CD8A: variants seen among roughly 807,000 people sequenced by gnomAD.
The protein encoded by CD8A is CD8 subunit alpha.
A neutral mutation model predicts 24.2 loss-of-function variants in CD8A; 25 were observed. The observed-to-expected ratio is 1.03, with a 90% CI of 0.75 to 1.44. CD8A has a LOEUF of 1.44. Among genes scored for constraint, CD8A ranks in the 40% most tolerant of loss-of-function variants. The pLI, the probability that CD8A is intolerant of heterozygous loss-of-function variation, is 0.00. For synonymous variants in CD8A, 165 were observed against 149.9 expected (o/e 1.10, Z -0.74); for missense variants, 360 against 319.7 (o/e 1.13, Z -0.96).
intron 3 of CD8A, among the ~76,000 whole-genome samples, chr2:86,796,309 G>T (rs770787287): frequency 1.3e-5 from 2 of 152,260 alleles, no homozygotes; most frequent in Admixed American, 6.5e-5. Flanking sequence ...AAGAAAGCAT[G>T]GCTGAAAATT....
At chr2:86,795,112 G>C (rs1368420350), upstream of CD8A, among the ~76,000 whole-genome samples, 9 of 152,164 alleles carry the variant, frequency 5.9e-5, no homozygotes, top group Non-Finnish European at 1.0e-4. Context: ...TTGTTTGCCT[G>C]TCCAGCTTGA....
rs763548941 is a variant in CD8A, at chr2:86,790,464, G to A, written c.267C>T (p.Phe89=). 1 of 1,614,054 alleles carries A rather than the reference G, an allele frequency of 6.2e-7. No homozygotes were observed. The highest frequency in any genetic ancestry group is 1.3e-5 in the African/African-American group (1 of 74,944). Residue 89 remains phenylalanine (F), a synonymous_variant, in exon 2 of 6, where the codon TTC becomes TTT. Coordinates refer to ENST00000283635, the MANE Select transcript of CD8A (RefSeq NM_001768.7). ...AGGTGTCCCCCAACCTCTTGCCCGA[G>A]AACCGCTGGGTGTCCAGCCCCTCGG... ...KAAEGLDTQR[F]SGKRLGDTFV...
intron 5 of CD8A, among the ~76,000 whole-genome samples, chr2:86,787,183 A>G (rs1197432544): frequency 6.7e-6 from 1 of 148,432 alleles, no homozygotes; most frequent in Admixed American, 6.7e-5. Context: ...CCCACGTTCA[A>G]GCGATTCTCC....
rs1196864495 is a variant in CD8A, at chr2:86,789,366, C to T, written c.582G>A (p.Gly194=). 1.9e-6 allele frequency: 3 copies of T among 1,613,874 alleles called. No homozygotes were observed. Among genetic ancestry groups the T allele is most frequent in the African/African-American group, 2.7e-5 (2 of 75,050 alleles). ...TGATAACCAGTGACAGGAGAAGGAC[C>T]CCACAAGTCCCGGCCAAGGGCGCCC... ...YIWAPLAGTC[G]VLLLSLVITL... The change falls in exon 4 of 6, where the codon GGG becomes GGA. Residue 194 remains glycine, a synonymous_variant. Coordinates refer to ENST00000283635, the MANE Select transcript of CD8A (RefSeq NM_001768.7).
intron 5 of CD8A, among the ~76,000 whole-genome samples, chr2:86,787,783 A>C (rs754967393): frequency 1.3e-5 from 2 of 152,120 alleles, no homozygotes; most frequent in Non-Finnish European, 2.9e-5. Context: ...AGAGATGGGG[A>C]GTATTACCCC....
At chr2:86,793,464 C>CA (rs1452258625), upstream of CD8A, among the ~76,000 whole-genome samples, 1 of 152,138 alleles carries the variant, frequency 6.6e-6, no homozygotes, top group Non-Finnish European at 1.5e-5. Context: ...GCTGTGTAGA[C>CA]ACAGTGCTGT....
upstream of CD8A, chr2:86,791,112 G>C (rs779805078): frequency 1.5e-6 from 1 of 683,312 alleles, no homozygotes; most frequent in East Asian, 2.8e-5. Context: ...GTTTGGGGAT[G>C]AGGAAAAGGG....
intron 2 of CD8A, among the ~76,000 whole-genome samples, chr2:86,807,195 G>A (rs1364688691): frequency 6.6e-6 from 1 of 152,074 alleles, no homozygotes; most frequent in African/African-American, 2.4e-5. Context: ...GCTGGCGCGG[G>A]TCCATGGTCC....
chr2:86,792,184 GAA>G (rs1240798775), upstream of CD8A, among the ~76,000 whole-genome samples: 1 of 152,080 alleles, frequency 6.6e-6, no homozygotes, highest in Non-Finnish European at 1.5e-5. Context: ...TTGCTGTCCT[GAA>G]ACCTTCCAGC....
In CD8A at chr2:86,785,201, TAGAG is replaced by T. The variant is rs542695887; in HGVS notation, c.*715_*718del. The stretch of plus-strand genomic sequence containing the variant: ...GTTTCACAGAGATTTTCTTTAGAGA[TAGAG>T]GGATTCATTTTCCAGGGTTAAGCTC... On this transcript the variant is annotated 3_prime_UTR_variant, in exon 6 of 6. Coordinates refer to ENST00000283635, the MANE Select transcript of CD8A (RefSeq NM_001768.7). 44 of 454,024 alleles carry T rather than the reference TAGAG, an allele frequency of 9.7e-5. No individual in the cohort carries two copies. The Middle Eastern group carries it at 2.8e-3, about 29-fold the overall frequency. 28.1% of individuals were successfully genotyped at this position (454,024 alleles called of 1,614,324 possible). A position where few individuals can be genotyped will look rare whatever the true frequency, so the allele number is the denominator to read the frequency against.
At chr2:86,808,140 C>T (rs1182297345) in exon 1 of CD8A, 1 of 152,408 alleles carries the variant, frequency 6.6e-6, no homozygotes, top group East Asian at 1.9e-4. Flanking sequence ...CAGCAAGCGC[C>T]TGAGCGGAGA....
chr2:86,790,302 G>A, intron 2 of CD8A, 26 bp downstream of exon 2: 1 of 1,528,316 alleles, frequency 6.5e-7, no homozygotes, highest in Non-Finnish European at 9.1e-7. Flanking sequence ...CCCACGCGGA[G>A]AGGTGCCGCA....
Position 86,784,975 on chromosome 2 carries a change from C to T in CD8A, c.*945G>A. On this transcript the variant is annotated 3_prime_UTR_variant, in exon 6 of 6. Coordinates refer to ENST00000283635, the MANE Select transcript of CD8A (RefSeq NM_001768.7). ...AGAGGCCAGGGCTGTGTGAGGGGCT[C>T]TCCAACAATTGTCTTTACAAAGTAT... is the stretch of plus-strand genomic sequence containing the variant. 2.2e-6 allele frequency: 1 copy of T among 454,088 alleles called. No homozygotes were observed. Among genetic ancestry groups the T allele is most frequent in the South Asian group, 1.6e-5 (1 of 64,472 alleles). 28.1% of individuals were successfully genotyped at this position (454,088 alleles called of 1,614,324 possible). A position where few individuals can be genotyped will look rare whatever the true frequency, so the allele number is the denominator to read the frequency against.
intron 3 of CD8A, among the ~76,000 whole-genome samples, chr2:86,799,346 G>A (rs1054421855): frequency 1.3e-5 from 2 of 152,152 alleles, no homozygotes; most frequent in African/African-American, 4.8e-5. Context: ...AGGTGGGCAC[G>A]TAATCCTCTG....
chr2:86,787,145 C>T lies in CD8A; in HGVS notation c.657-1174G>A, dbSNP rs1463052676. 8.3e-5 allele frequency among the ~76,000 whole-genome samples: 10 copies of T among 120,508 alleles called. No homozygotes were observed. In the Admixed American group the frequency reaches 9.7e-4, roughly 12 times the overall value. 79.1% of individuals were successfully genotyped at this position (120,508 alleles called of 152,430 possible). A position where few individuals can be genotyped will look rare whatever the true frequency, so the allele number is the denominator to read the frequency against. Reference sequence around the variant, plus strand: ...TTACCCAGGCTGGAGTGCAGTGGTACGATCTCAGCTCACTGCAACCTCCGC... The same window carrying T: ...TTACCCAGGCTGGAGTGCAGTGGTATGATCTCAGCTCACTGCAACCTCCGC... On this transcript the variant is annotated intron_variant, in intron 5 of 5. Transcript: ENST00000283635.
intron 3 of CD8A, 86 bp downstream of exon 3, chr2:86,789,554 C>A: frequency 7.6e-7 from 1 of 1,312,724 alleles, no homozygotes; most frequent in Non-Finnish European, 1.1e-6. Flanking sequence ...CAGCCCTTGA[C>A]TCTACCTACA....
At chr2:86,793,962 A>C (rs565190243), upstream of CD8A, among the ~76,000 whole-genome samples, 99 of 152,322 alleles carry the variant, frequency 6.5e-4, no homozygotes, top group African/African-American at 2.3e-3. Context: ...TTGTGACCCC[A>C]GTGATATTTT....
chr2:86,790,594 A>C lies in CD8A; in HGVS notation c.137T>G (p.Leu46Arg), dbSNP rs1297804955. Reference sequence around the variant, plus strand: ...GCAGCCCGACGTCGGGTTGGACAGCAGCACCTGGCACTTCAGCTCCACTGT... The same window carrying C: ...GCAGCCCGACGTCGGGTTGGACAGCCGCACCTGGCACTTCAGCTCCACTGT... ...GETVELKCQV[L>R]LSNPTSGCSW... Residue 46 changes from leucine (L) to arginine (R), a missense_variant, in exon 2 of 6, where the codon CTG (leucine) becomes CGG (arginine). Physicochemically the swap from Leu to Arg is moderately radical, Grantham distance 102. Transcript: ENST00000283635. 3.7e-6 allele frequency: 6 copies of C among 1,611,096 alleles called. No individual in the cohort carries two copies. In the South Asian group the frequency reaches 5.5e-5, roughly 15 times the overall value.
chr2:86,799,988 A>G (rs1673614234), intron 3 of CD8A, among the ~76,000 whole-genome samples: 1 of 151,568 alleles, frequency 6.6e-6, no homozygotes, highest in South Asian at 2.1e-4. Flanking sequence ...AATTGGTTTG[A>G]CATTGAAGAC....
Sources: allele counts gnomAD v4.1 joint callset (sites outside exome capture counted in the v4.1 genomes callset), GRCh38; gene constraint gnomAD v4.1.1; transcripts MANE v1.5; gene names NCBI Gene and HGNC (gene_info 2026-07-23, HGNC 2026-07-21).